The following BAHCC1 variants were observed in gnomAD, a reference collection of about 807,000 sequenced individuals.
BAHCC1 encodes BAH and coiled-coil domain-containing protein 1.
Under a neutral mutation model 88.2 loss-of-function variants are expected in BAHCC1, and 43 were observed. The observed-to-expected ratio is 0.49, with a 90% confidence interval of 0.38 to 0.63. The LOEUF (loss-of-function observed/expected upper bound fraction) is 0.63. BAHCC1 is among the 20% of genes least tolerant of loss of function. The pLI is 0.00. For synonymous variants in BAHCC1, 1,510 were observed against 745.5 expected (o/e 2.03, Z -16.71); for missense variants, 3,023 against 1,654.8 (o/e 1.83, Z -14.34).
intron 3 of BAHCC1, among the ~76,000 whole-genome samples, chr17:81,432,553 ACCCT>A (rs1483188750): frequency 9.2e-5 from 2 of 21,732 alleles, no homozygotes; most frequent in Non-Finnish European, 9.5e-5. Flanking sequence ...CACCAGGCCC[ACCCT>A]CCCTCCCATC....
At chr17:81,441,668 CAAAAAAAAA>C (rs11333301) in intron 4 of BAHCC1, among the ~76,000 whole-genome samples, 154 bp from the exon 5 acceptor site, 3 of 91,670 alleles carry the variant, frequency 3.3e-5, no homozygotes, top group African/African-American at 1.3e-4. Context: ...GACTCCGTCT[CAAAAAAAAA>C]AAAAAAAAAA....
chr17:81,458,426 G>C lies in BAHCC1; in HGVS notation c.5303G>C (p.Arg1768Thr). The C allele has an allele frequency of 1.3e-6, 1 of 741,476 alleles. No individual in the cohort carries two copies. Among genetic ancestry groups the C allele is most frequent in the Non-Finnish European group, 2.5e-6 (1 of 402,742 alleles). 45.9% of individuals were successfully genotyped at this position (741,476 alleles called of 1,614,324 possible). A position where few individuals can be genotyped will look rare whatever the true frequency, so the allele number is the denominator to read the frequency against. Residue 1768 changes from arginine (R) to threonine (T), a missense_variant, in exon 18 of 28, where the codon AGG becomes ACG. By Grantham distance (71) the Arg-to-Thr change is moderately conservative. Transcript: ENST00000675386. ...CAGCTGGCCAGTGAGCGCCTCAAGA[G>C]GGCCACGCGCAAGGGCACAGTGCTG... ...GSQLASERLK[R>T]ATRKGTVLQP...
chr17:81,465,218 G>C lies in BAHCC1; in HGVS notation c.*1401G>C, dbSNP rs1378541550. The C allele has an allele frequency of 2.6e-5, 4 of 152,404 alleles. 1 individual carries two copies. Among genetic ancestry groups the C allele is most frequent in the Non-Finnish European group, 1.5e-5 (1 of 68,086 alleles). 9.4% of individuals were successfully genotyped at this position (152,404 alleles called of 1,614,324 possible). Reference sequence around the variant, plus strand: ...ACCAGCCAAATCTGCCTGGCCCTCGGACCCCTCTGCCTGCCCCAACCCCTT... The same window carrying C: ...ACCAGCCAAATCTGCCTGGCCCTCGCACCCCTCTGCCTGCCCCAACCCCTT... On this transcript the variant is annotated 3_prime_UTR_variant, in exon 28 of 28. Coordinates refer to ENST00000675386, the MANE Select transcript of BAHCC1 (RefSeq NM_001377448.1).
chr17:81,446,723 T>C, intron 10 of BAHCC1: 1 of 510,420 alleles, frequency 2.0e-6, no homozygotes, highest in Non-Finnish European at 3.8e-6. Context: ...TCATTGTTCT[T>C]TAATTTTTTT....
At position 81,443,885 on chromosome 17, in the gene BAHCC1, C is replaced by T. The variant is rs1467198102; in HGVS notation, c.2292C>T (p.Arg764=). 4.2e-6 allele frequency: 3 copies of T among 713,424 alleles called. No individual in the cohort carries two copies. Among genetic ancestry groups the T allele is most frequent in the Admixed American group, 4.0e-5 (2 of 50,024 alleles). 44.2% of individuals were successfully genotyped at this position (713,424 alleles called of 1,614,324 possible). A position where few individuals can be genotyped will look rare whatever the true frequency, so the allele number is the denominator to read the frequency against. ...EEERTRLCDD[R]LGLASRELLL... ...AGAGGACGAGGCTATGTGATGACCG[C>T]CTGGGGCTTGCCAGCCGCGAGCTGC... Residue 764 remains arginine (R), a synonymous_variant, in exon 6 of 28, where the codon CGC becomes CGT. Coordinates refer to ENST00000675386, the MANE Select transcript of BAHCC1 (RefSeq NM_001377448.1).
chr17:81,460,893 C>T lies in BAHCC1; in HGVS notation c.6230C>T (p.Ala2077Val), dbSNP rs781994586. The T allele has an allele frequency of 3.5e-5, 27 of 766,928 alleles. No individual in the cohort carries two copies. Among genetic ancestry groups the T allele is most frequent in the South Asian group, 4.0e-5 (3 of 74,626 alleles). The allele number at this position is 766,928 out of a possible 1,614,324, so 47.5% of individuals were successfully genotyped here. The change falls in exon 26 of 28, where the codon GCC becomes GTC. Residue 2077 changes from alanine (A) to valine (V), a missense_variant. Ala to Val is a moderately conservative substitution (Grantham distance 64). Transcript: ENST00000675386. ...AAAGCCGAACTCCTAACCTCAGGTG[C>T]CAAATCCCCCACGGGGGCCTCCGAC... is the stretch of plus-strand genomic sequence containing the variant. ...AGKAELLTSG[A>V]KSPTGASDHF...
At chr17:81,455,696 C>T (rs556799860) in intron 15 of BAHCC1, among the ~76,000 whole-genome samples, 1 of 152,326 alleles carries the variant, frequency 6.6e-6, no homozygotes, top group African/African-American at 2.4e-5. Context: ...GGAACGAGGC[C>T]CTGCCTTTCT....
Position 81,442,405 on chromosome 17 carries a change from G to C in BAHCC1, c.1056G>C (p.Gly352=). The part of the protein sequence containing the change: ...QMLHHTASYA[G]PPPPLSTAAG... ...TACACCACACCGCATCCTACGCCGG[G>C]CCACCCCCGCCCCTCAGCACAGCCG... The change falls in exon 5 of 28, where the codon GGG becomes GGC. Residue 352 remains glycine (G), a synonymous_variant. Coordinates refer to ENST00000675386, the MANE Select transcript of BAHCC1 (RefSeq NM_001377448.1). 1.4e-6 allele frequency: 1 copy of C among 695,044 alleles called. No homozygotes were observed. The highest frequency in any genetic ancestry group is 2.2e-5 in the Admixed American group (1 of 46,508). The allele number at this position is 695,044 out of a possible 1,614,324, so 43.1% of individuals were successfully genotyped here. A position where few individuals can be genotyped will look rare whatever the true frequency, so the allele number is the denominator to read the frequency against.
chr17:81,397,907 G>C (rs370936559), intron 1 of BAHCC1, among the ~76,000 whole-genome samples: 9 of 152,310 alleles, frequency 5.9e-5, no homozygotes, highest in East Asian at 3.9e-4. Context: ...AAGCTTATCA[G>C]CTGAGCAAAT....
intron 2 of BAHCC1, among the ~76,000 whole-genome samples, chr17:81,426,017 TG>T (rs2064190463): frequency 6.8e-6 from 1 of 146,906 alleles, no homozygotes; most frequent in African/African-American, 2.6e-5. Flanking sequence ...GGGGTGATGG[TG>T]GGTGATGTGG....
At chr17:81,439,659 T>TGGGAGCCC (rs1235622445) in intron 4 of BAHCC1, among the ~76,000 whole-genome samples, 2 of 151,206 alleles carry the variant, frequency 1.3e-5, no homozygotes, top group Admixed American at 1.3e-4. Flanking sequence ...GCACAGCTCC[T>TGGGAGCCC]GGGAGCCCGG....
At chr17:81,398,016 G>A (rs1192798919) in intron 1 of BAHCC1, among the ~76,000 whole-genome samples, 1 of 152,108 alleles carries the variant, frequency 6.6e-6, no homozygotes, top group African/African-American at 2.4e-5. Context: ...ATAAAATATC[G>A]CAATTTAAAA....
chr17:81,405,395 A>G (rs1199784212), intron 2 of BAHCC1, among the ~76,000 whole-genome samples: 3 of 152,126 alleles, frequency 2.0e-5, no homozygotes, highest in Non-Finnish European at 2.9e-5. Context: ...GCAGATGTTT[A>G]TATATAGCCA....
intron 11 of BAHCC1, among the ~76,000 whole-genome samples, chr17:81,448,931 G>A (rs2064582729): frequency 6.6e-6 from 1 of 152,120 alleles, no homozygotes; most frequent in Non-Finnish European, 1.5e-5. Flanking sequence ...AGTTAGATAG[G>A]GCGAGGTGGA....
chr17:81,430,763 C>T (rs969204734), intron 3 of BAHCC1, among the ~76,000 whole-genome samples: 24 of 152,274 alleles, frequency 1.6e-4, no homozygotes, highest in African/African-American at 5.5e-4. Flanking sequence ...TCAGCTCCTC[C>T]TTCCTCTCCC....
At chr17:81,463,254 G>A (rs1226434018) in intron 27 of BAHCC1, among the ~76,000 whole-genome samples, 5 of 152,118 alleles carry the variant, frequency 3.3e-5, no homozygotes, top group Admixed American at 6.5e-5. Flanking sequence ...CCCCCACCCC[G>A]TGGGCCCTCC....
Position 81,443,409 on chromosome 17 carries a change from G to C in BAHCC1, c.2060G>C (p.Arg687Thr), listed in dbSNP as rs548469474. The C allele has an allele frequency of 2.6e-6, 2 of 770,962 alleles. No individual in the cohort carries two copies. The highest frequency in any genetic ancestry group is 1.7e-5 in the African/African-American group (1 of 59,084). 47.8% of individuals were successfully genotyped at this position (770,962 alleles called of 1,614,324 possible). A position where few individuals can be genotyped will look rare whatever the true frequency, so the allele number is the denominator to read the frequency against. The change falls in exon 5 of 28, where the codon AGG becomes ACG. Residue 687 changes from arginine (R) to threonine (T), a missense_variant. Arg to Thr is a moderately conservative substitution (Grantham distance 71). Coordinates refer to ENST00000675386, the MANE Select transcript of BAHCC1 (RefSeq NM_001377448.1). ...GAGAGGCCGGACTGTGCCCGCAGCA[G>C]GGAGCACGACACCACGCACGGCGAC... ...QSERPDCARS[R>T]EHDTTHGDGE... is the part of the protein sequence containing the mutation.
At chr17:81,432,887 CCCCCCCATCCCCAGGCCCACCCTT>C (rs374513297) in intron 3 of BAHCC1, among the ~76,000 whole-genome samples, 15,975 of 34,398 alleles carry the variant, frequency 0.46, 4,338 homozygotes, top group African/African-American at 0.59. Context: ...GCCCAACCTC[CCCCCCCATCCCCAGGCCCACCCTT>C]CCCCCCATCC....
intron 14 of BAHCC1, among the ~76,000 whole-genome samples, chr17:81,453,652 TCTCC>T (rs2143600998): frequency 6.7e-6 from 1 of 150,164 alleles, no homozygotes; most frequent in Non-Finnish European, 1.5e-5. Flanking sequence ...TCTCCTGGGG[TCTCC>T]CTTTGAGAAC....
Sources: allele counts gnomAD v4.1 joint callset (sites outside exome capture counted in the v4.1 genomes callset), GRCh38; gene constraint gnomAD v4.1.1; transcripts MANE v1.5; gene names NCBI Gene and HGNC (gene_info 2026-07-23, HGNC 2026-07-21).